ZNF589: variants seen among roughly 807,000 people sequenced by gnomAD.
ZNF589 encodes the protein KRAB-zinc finger protein SZF1-1.
Under a neutral mutation model 13.6 loss-of-function variants are expected in ZNF589, and 17 were observed. The observed-to-expected ratio is 1.25, with a 90% CI of 0.86 to 1.88. The LOEUF is 1.88. Ranked by LOEUF, ZNF589 falls within the 40% of genes most tolerant of loss-of-function variation. ZNF589 has a pLI of 0.00. For synonymous variants in ZNF589, 148 were observed against 161.6 expected (o/e 0.92, Z 0.64); for missense variants, 407 against 434.0 (o/e 0.94, Z 0.55).
chr3:48,244,161 T>C (rs2033734345), intron 1 of ZNF589, among the ~76,000 whole-genome samples: 1 of 152,190 alleles, frequency 6.6e-6, no homozygotes, highest in South Asian at 2.1e-4. Context: ...TTTTCCCACC[T>C]GCTCAGTGGG....
chr3:48,255,403 T>C (rs995871568), intron 2 of ZNF589, among the ~76,000 whole-genome samples: 1 of 151,802 alleles, frequency 6.6e-6, no homozygotes, highest in African/African-American at 2.4e-5. Context: ...CTCAAGCTCC[T>C]GACCTCAAGT....
chr3:48,247,215 C>CT (rs2033776315), intron 1 of ZNF589, among the ~76,000 whole-genome samples: 2 of 151,906 alleles, frequency 1.3e-5, no homozygotes, highest in African/African-American at 4.8e-5. Flanking sequence ...CTCAAGTCAT[C>CT]TGCCTGCCTC....
Position 48,269,530 on chromosome 3 carries a change from A to G in ZNF589, c.*744A>G, listed in dbSNP as rs2106852935. 4 of 313,870 alleles carry G rather than the reference A, an allele frequency of 1.3e-5. No homozygotes were observed. In the Admixed American group the frequency reaches 1.3e-4, roughly 10 times the overall value. The allele number at this position is 313,870 out of a possible 1,614,324, so 19.4% of individuals were successfully genotyped here. On this transcript the variant is annotated 3_prime_UTR_variant, in exon 4 of 4. Transcript: ENST00000354698. Reference sequence around the variant, plus strand: ...CACACACAGGAGAGAAACCTTACGCATGCATCGAGTGTGGGCGAAACTTTA... The same window carrying G: ...CACACACAGGAGAGAAACCTTACGCGTGCATCGAGTGTGGGCGAAACTTTA...
intron 2 of ZNF589, among the ~76,000 whole-genome samples, chr3:48,257,192 C>T (rs2033912831): frequency 6.6e-6 from 1 of 152,108 alleles, no homozygotes; most frequent in African/African-American, 2.4e-5. Flanking sequence ...AATGTTCCCT[C>T]TGCTTTGTGT....
intron 2 of ZNF589, chr3:48,256,548 G>A: frequency 1.5e-6 from 1 of 663,122 alleles, no homozygotes; most frequent in South Asian, 1.6e-5. Context: ...TGAGGCCTGT[G>A]ATTTGGTAAC....
At chr3:48,255,208 C>G (rs1359759432) in intron 2 of ZNF589, among the ~76,000 whole-genome samples, 2 of 150,324 alleles carry the variant, frequency 1.3e-5, no homozygotes, top group Non-Finnish European at 3.0e-5. Flanking sequence ...GACAGTCTCA[C>G]TCTACCTGTC....
chr3:48,268,748 A>G lies in ZNF589; in HGVS notation c.1057A>G (p.Ile353Val). 1.2e-6 allele frequency: 2 copies of G among 1,614,118 alleles called. No individual in the cohort carries two copies. Among genetic ancestry groups the G allele is most frequent in the Non-Finnish European group, 1.7e-6 (2 of 1,179,990 alleles). ...EKSELIKHQR[I>V]HTGDKPYVCR... The stretch of plus-strand genomic sequence containing the variant: ...GTCAGAGCTCATTAAGCACCAGAGA[A>G]TTCACACGGGGGATAAGCCTTATGT... Residue 353 changes from isoleucine (I) to valine (V), a missense_variant, in exon 4 of 4, where the codon ATT becomes GTT. By Grantham distance (29) the Ile-to-Val change is conservative. Transcript: ENST00000354698.
At position 48,269,054 on chromosome 3, in the gene ZNF589, C is replaced by T. The variant is rs1290121500; in HGVS notation, c.*268C>T. On this transcript the variant is annotated 3_prime_UTR_variant, in exon 4 of 4. Coordinates refer to ENST00000354698, the MANE Select transcript of ZNF589 (RefSeq NM_016089.3). ...TGGGGAATGTGGGCGGGGATTTAGC[C>T]GGAGGATAGTCCTCAATGGACACTG... is the stretch of plus-strand genomic sequence containing the variant. 3.9e-5 allele frequency: 25 copies of T among 637,408 alleles called. No homozygotes were observed. The highest frequency in any genetic ancestry group is 2.7e-4 in the Middle Eastern group (1 of 3,768). The allele number at this position is 637,408 out of a possible 1,614,324, so 39.5% of individuals were successfully genotyped here.
At chr3:48,261,335 G>A (rs2033968142) in intron 3 of ZNF589, among the ~76,000 whole-genome samples, 1 of 152,144 alleles carries the variant, frequency 6.6e-6, no homozygotes, top group African/African-American at 2.4e-5. Flanking sequence ...GGTTGGATAT[G>A]TGGGTCAGGT....
At chr3:48,265,412 G>C (rs1206171840) in intron 3 of ZNF589, among the ~76,000 whole-genome samples, 1 of 149,666 alleles carries the variant, frequency 6.7e-6, no homozygotes, top group African/African-American at 2.5e-5. Context: ...TCAGCCTCCT[G>C]AGTAGCTGGG....
intron 2 of ZNF589, among the ~76,000 whole-genome samples, chr3:48,254,566 TATC>T (rs1250892319): frequency 2.0e-5 from 3 of 152,214 alleles, no homozygotes; most frequent in African/African-American, 4.8e-5. Flanking sequence ...GAAGAGCTGA[TATC>T]ATAATACTGA....
chr3:48,251,627 G>C (rs1334969987), intron 2 of ZNF589, among the ~76,000 whole-genome samples: 2 of 150,968 alleles, frequency 1.3e-5, no homozygotes, highest in Non-Finnish European at 2.9e-5. Context: ...TTTTTTTTTG[G>C]TGTGGTATGA....
At chr3:48,241,363 G>T in intron 1 of ZNF589, 149 bp downstream of exon 1, 1 of 992,676 alleles carries the variant, frequency 1.0e-6, no homozygotes, top group Non-Finnish European at 1.5e-6. Flanking sequence ...CTCCCCTGGG[G>T]GGCCAGGTTC....
rs568301158 is a variant in ZNF589 at position 48,269,315 on chromosome 3, A to C, written c.*529A>C. 8.6e-5 allele frequency: 118 copies of C among 1,375,118 alleles called. No individual in the cohort carries two copies. The African/African-American group carries it at 1.6e-3, about 19-fold the overall frequency. 85.2% of individuals were successfully genotyped at this position (1,375,118 alleles called of 1,614,324 possible). A position where few individuals can be genotyped will look rare whatever the true frequency, so the allele number is the denominator to read the frequency against. ...TGGGCGAGGCTTTATAGCTCAGTCA[A>C]CCCTCCACTACCACCGGAGTACACA... On this transcript the variant is annotated 3_prime_UTR_variant, in exon 4 of 4. Coordinates refer to ENST00000354698, the MANE Select transcript of ZNF589 (RefSeq NM_016089.3).
At chr3:48,257,205 T>A (rs1559981752) in intron 2 of ZNF589, among the ~76,000 whole-genome samples, 1 of 152,188 alleles carries the variant, frequency 6.6e-6, no homozygotes, top group African/African-American at 2.4e-5. Flanking sequence ...CTTTGTGTTC[T>A]GGAAGAGATG....
intron 1 of ZNF589, 102 bp from the exon 2 acceptor site, chr3:48,247,523 G>A (rs2033782116): frequency 7.6e-7 from 1 of 1,322,088 alleles, no homozygotes; most frequent in Non-Finnish European, 1.1e-6. Flanking sequence ...GGTCAGCTGA[G>A]AAGGCTCAGG....
At chr3:48,249,401 C>A (rs2033811662) in intron 2 of ZNF589, among the ~76,000 whole-genome samples, 2 of 152,244 alleles carry the variant, frequency 1.3e-5, no homozygotes, top group Admixed American at 1.3e-4. Flanking sequence ...CTGCGCCCGG[C>A]CCATCTTATG....
chr3:48,256,633 T>G lies in ZNF589; in HGVS notation c.97-4180T>G, dbSNP rs902971778. The G allele has an allele frequency of 1.2e-5, 11 of 949,744 alleles. No homozygotes were observed. The South Asian group carries it at 1.4e-4, about 12-fold the overall frequency. The allele number at this position is 949,744 out of a possible 1,614,324, so 58.8% of individuals were successfully genotyped here. A position where few individuals can be genotyped will look rare whatever the true frequency, so the allele number is the denominator to read the frequency against. ...CTTCCCGTCATAGGCCTGTGATCTT[T>G]CGGGGCAGCATGCCTCCATGGGGCT... On this transcript the variant is annotated intron_variant, in intron 2 of 3. Coordinates refer to ENST00000354698, the MANE Select transcript of ZNF589 (RefSeq NM_016089.3).
chr3:48,267,596 C>T (rs2034033466), intron 3 of ZNF589, among the ~76,000 whole-genome samples: 1 of 152,128 alleles, frequency 6.6e-6, no homozygotes, highest in Non-Finnish European at 1.5e-5. Flanking sequence ...AGGGTTTCAC[C>T]ATGTTGGGCA....
Sources: allele counts gnomAD v4.1 joint callset (sites outside exome capture counted in the v4.1 genomes callset), GRCh38; gene constraint gnomAD v4.1.1; transcripts MANE v1.5; gene names NCBI Gene and HGNC (gene_info 2026-07-23, HGNC 2026-07-21).